The following HYDIN variants were observed in gnomAD, a reference collection of about 807,000 sequenced individuals.
HYDIN encodes HYDIN axonemal central pair apparatus protein, also known as axonemal central pair apparatus protein HYDIN.
A neutral mutation model predicts 403.9 loss-of-function variants in HYDIN; 132 were observed. That is an observed-to-expected ratio of 0.33 (90% CI 0.28 to 0.38). HYDIN has a LOEUF of 0.38. Ranked by LOEUF, HYDIN falls within the 10% of genes least tolerant of loss-of-function variation. The pLI is 1.00. For missense variants in HYDIN, 2,827 were observed against 5,009.5 expected, an observed-to-expected ratio of 0.56 and a Z score of 13.15; for synonymous variants, 1,202 against 1,891.7, an observed-to-expected ratio of 0.64 and a Z score of 9.46.
At chr16:71,047,506 T>C (rs948440134) in intron 18 of HYDIN, among the ~76,000 whole-genome samples, 1 of 152,154 alleles carries the variant, frequency 6.6e-6, no homozygotes, top group African/African-American at 2.4e-5. Context: ...GGAAGTCTCT[T>C]AATACTATTA....
chr16:71,110,472 T>TATTTC (rs2083784045), intron 10 of HYDIN, among the ~76,000 whole-genome samples: 1 of 142,544 alleles, frequency 7.0e-6, no homozygotes, highest in Admixed American at 7.2e-5. Flanking sequence ...TATAAACATA[T>TATTTC]ATAAATATAT....
chr16:70,819,180 G>A (rs1360712592), intron 83 of HYDIN, among the ~76,000 whole-genome samples: 1 of 151,944 alleles, frequency 6.6e-6, no homozygotes, highest in Non-Finnish European at 1.5e-5. Context: ...CTCCCAAAGT[G>A]CTAGGATTAT....
chr16:71,055,857 A>G (rs2081867205), intron 18 of HYDIN, among the ~76,000 whole-genome samples: 1 of 152,266 alleles, frequency 6.6e-6, no homozygotes, highest in African/African-American at 2.4e-5. Context: ...AAGAGCAAAA[A>G]GAAAACGATT....
In HYDIN at chr16:70,974,566, A is replaced by C; in HGVS notation, c.4877T>G (p.Phe1626Cys). ...IINTSHFPVS[F>C]HADKRVLHET... The stretch of plus-strand genomic sequence containing the variant: ...ATGAAGGACACGCTTGTCTGCATGG[A>C]ATGACACTGGAAAGTGACTGGTGTT... Residue 1626 changes from phenylalanine (F) to cysteine (C), a missense_variant, in exon 32 of 86, where the codon TTC becomes TGC. By Grantham distance (205) the Phe-to-Cys change is radical (BLOSUM62 -2). Coordinates refer to ENST00000393567, the MANE Select transcript of HYDIN (RefSeq NM_001270974.2). The C allele has an allele frequency of 6.2e-7, 1 of 1,601,856 alleles. No homozygotes were observed. Among genetic ancestry groups the C allele is most frequent in the South Asian group, 1.1e-5 (1 of 89,304 alleles).
intron 18 of HYDIN, among the ~76,000 whole-genome samples, chr16:71,057,656 A>G (rs2081944570): frequency 6.6e-6 from 1 of 151,906 alleles, no homozygotes; most frequent in African/African-American, 2.4e-5. Flanking sequence ...ATTGAATTAG[A>G]AATTCCTACA....
intron 10 of HYDIN, among the ~76,000 whole-genome samples, chr16:71,098,203 C>T (rs195662): frequency 0.74 from 95,672 of 130,018 alleles, 33,633 homozygotes; most frequent in East Asian, 0.86. Flanking sequence ...AACTTTCTTT[C>T]TTTTTTTTTT....
chr16:70,914,250 AAAG>A (rs1597306451), intron 47 of HYDIN, among the ~76,000 whole-genome samples: 1 of 152,042 alleles, frequency 6.6e-6, no homozygotes, highest in Non-Finnish European at 1.5e-5. Flanking sequence ...TTTATGCTTT[AAAG>A]AAGTTCTGTT....
chr16:71,085,453 A>T, intron 12 of HYDIN, among the ~76,000 whole-genome samples: 2 of 145,730 alleles, frequency 1.4e-5, no homozygotes, highest in African/African-American at 2.5e-5. Context: ...TGTTGGGTAG[A>T]GTGTGCTGTA....
At chr16:70,888,240 G>C (rs1489558060) in intron 58 of HYDIN, among the ~76,000 whole-genome samples, 1 of 152,266 alleles carries the variant, frequency 6.6e-6, no homozygotes, top group African/African-American at 2.4e-5. Context: ...TTCAGTTTCA[G>C]TTCTTCCTGG....
At chr16:71,055,409 T>C (rs552528769) in intron 18 of HYDIN, among the ~76,000 whole-genome samples, 5 of 151,748 alleles carry the variant, frequency 3.3e-5, no homozygotes, top group African/African-American at 9.7e-5. Context: ...CATATTGCCA[T>C]CATTATAATT....
rs773371462 is a variant in HYDIN, at chr16:70,868,690, G to A, written c.11190C>T (p.Leu3730=). The part of the protein sequence containing the change: ...NLKNMRIRCK[L]SRIMFQLPAD... Reference sequence around the variant, plus strand: ...CAGGGAGCTGAAACATAATCCTGGAGAGCTTGCACCTGATCCGCATATTCT... The same window carrying A: ...CAGGGAGCTGAAACATAATCCTGGAAAGCTTGCACCTGATCCGCATATTCT... Residue 3730 remains leucine (L), a synonymous_variant, in exon 66 of 86, where the codon CTC becomes CTT. Coordinates refer to ENST00000393567, the MANE Select transcript of HYDIN (RefSeq NM_001270974.2). 4 of 1,614,174 alleles carry A rather than the reference G, an allele frequency of 2.5e-6. No individual in the cohort carries two copies. The highest frequency in any genetic ancestry group is 3.3e-5 in the Admixed American group (2 of 60,018).
At chr16:70,824,830 T>C (rs920171592) in intron 83 of HYDIN, among the ~76,000 whole-genome samples, 3 of 152,160 alleles carry the variant, frequency 2.0e-5, no homozygotes, top group African/African-American at 7.2e-5. Context: ...AGATAGAATT[T>C]GTGCATATGG....
chr16:71,115,416 G>A (rs111844844), intron 10 of HYDIN, among the ~76,000 whole-genome samples: 117 of 152,190 alleles, frequency 7.7e-4, no homozygotes, highest in African/African-American at 2.4e-3. Flanking sequence ...ACCCAATCTC[G>A]GGCAGTTATT....
intron 1 of HYDIN, among the ~76,000 whole-genome samples, chr16:71,225,434 A>G (rs1466016872): frequency 6.6e-6 from 1 of 152,176 alleles, no homozygotes; most frequent in African/African-American, 2.4e-5. Context: ...CTTACTGTTC[A>G]TTTTGAGGAC....
chr16:71,088,394 T>C lies in HYDIN; in HGVS notation c.1577A>G (p.Gln526Arg). Residue 526 changes from glutamine to arginine, a missense_variant, in exon 12 of 86, where the codon CAG becomes CGG. Transcript: ENST00000393567. The stretch of plus-strand genomic sequence containing the variant: ...CAGGATGGTAGAGCTGAAGGAGATC[T>C]GGATAGCTTGGACTCCACTTGGTTC... ...IIEPSGVQAIQISFSSTILGN... is the reference protein window; with the variant it reads ...IIEPSGVQAIRISFSSTILGN... 1.8e-6 allele frequency: 1 copy of C among 547,302 alleles called. No individual in the cohort carries two copies. Among genetic ancestry groups the C allele is most frequent in the Non-Finnish European group, 3.2e-6 (1 of 311,180 alleles). The allele number at this position is 547,302 out of a possible 1,614,324, so 33.9% of individuals were successfully genotyped here.
chr16:71,065,308 C>T (rs1199290171), intron 15 of HYDIN, among the ~76,000 whole-genome samples: 2 of 152,152 alleles, frequency 1.3e-5, no homozygotes, highest in African/African-American at 4.8e-5. Flanking sequence ...CTATGCAGAA[C>T]AGCTGTCTTG....
intron 10 of HYDIN, among the ~76,000 whole-genome samples, chr16:71,105,126 C>T (rs1344961038): frequency 1.3e-5 from 2 of 151,624 alleles, no homozygotes; most frequent in African/African-American, 2.4e-5. Flanking sequence ...TATATAACTT[C>T]TAAAAATAAA....
chr16:71,215,621 A>G (rs576974006), intron 1 of HYDIN, among the ~76,000 whole-genome samples: 1 of 152,194 alleles, frequency 6.6e-6, no homozygotes, highest in South Asian at 2.1e-4. Flanking sequence ...TGATCCCAGC[A>G]CTTTGGGAGG....
chr16:71,204,706 G>C (rs2088200535), intron 1 of HYDIN, among the ~76,000 whole-genome samples: 2 of 151,988 alleles, frequency 1.3e-5, no homozygotes, highest in African/African-American at 4.8e-5. Context: ...TCTTCTTTTA[G>C]TTATCACGTT....
Sources: gnomAD v4.1 joint callset for allele counts (sites outside exome capture counted in the v4.1 genomes callset) on GRCh38, gnomAD v4.1.1 for gene constraint, MANE v1.5 for transcripts, NCBI Gene and HGNC (gene_info 2026-07-23, HGNC 2026-07-21) for gene names.